LIMK2: variants seen among roughly 807,000 people sequenced by gnomAD.
The protein encoded by LIMK2 is LIM domain kinase 2.
Under a neutral mutation model 75.7 loss-of-function variants are expected in LIMK2, and 35 were observed. The ratio of observed to expected loss-of-function variants is 0.46; its 90% CI spans 0.35 to 0.61. The LOEUF (loss-of-function observed/expected upper bound fraction) is 0.61, where lower values mean the gene tolerates loss of function less well. Among genes scored for constraint, LIMK2 ranks in the 20% least tolerant of loss-of-function variants. LIMK2 has a pLI of 0.00. For missense variants in LIMK2, 623 were observed against 831.0 expected, an observed-to-expected ratio of 0.75 and a Z score of 3.08; for synonymous variants, 301 against 319.2, an observed-to-expected ratio of 0.94 and a Z score of 0.61.
At chr22:31,213,817 C>CTTTTTTTTTTTTT (rs71689139) in intron 1 of LIMK2, among the ~76,000 whole-genome samples, 5 of 145,334 alleles carry the variant, frequency 3.4e-5, no homozygotes, top group Non-Finnish European at 4.5e-5. Context: ...TTTCCAGTAA[C>CTTTTTTTTTTTTT]TTTTTTTTTT....
intron 1 of LIMK2, among the ~76,000 whole-genome samples, chr22:31,219,652 A>G (rs2048417471): frequency 1.3e-5 from 2 of 151,996 alleles, no homozygotes; most frequent in Admixed American, 6.6e-5. Flanking sequence ...GCTCACTGCA[A>G]GCTCCACCTC....
rs887228775 is a variant in LIMK2, at chr22:31,262,680, G to T, written c.743G>T (p.Arg248Leu). Residue 248 changes from arginine (R) to leucine (L), a missense_variant, in exon 7 of 16, where the codon CGG becomes CTG. Physicochemically the swap from Arg to Leu is moderately radical, Grantham distance 102. Transcript: ENST00000331728. This position sits in a 1 kb window ranked among gnomAD's most constrained non-coding sequence, Gnocchi z 5.0. ...DPVSQRLDQL[R>L]LEARLAPHMQ... ...GTCTCCCAACGCCTGGACCAGCTGC[G>T]GCTGGAGGCCCGGCTCGCTCCTCAC... is the stretch of plus-strand genomic sequence containing the variant. The T allele has an allele frequency of 1.9e-6, 3 of 1,614,182 alleles. No homozygotes were observed. Among genetic ancestry groups the T allele is most frequent in the Non-Finnish European group, 2.5e-6 (3 of 1,180,032 alleles).
intron 13 of LIMK2, chr22:31,272,919 G>T: frequency 7.6e-7 from 1 of 1,324,138 alleles, no homozygotes. Flanking sequence ...GGGATAAGGT[G>T]AGTTCTGACT....
chr22:31,258,055 G>A (rs1395740828), intron 2 of LIMK2, among the ~76,000 whole-genome samples: 1 of 152,132 alleles, frequency 6.6e-6, no homozygotes, highest in Admixed American at 6.6e-5. Flanking sequence ...ACCCAAAGAG[G>A]TTATGAAACA....
chr22:31,227,370 T>C (rs560345308), intron 2 of LIMK2, among the ~76,000 whole-genome samples: 2 of 152,342 alleles, frequency 1.3e-5, no homozygotes, highest in South Asian at 4.1e-4. Flanking sequence ...AGTAATTGAG[T>C]TGACCTTTAA....
intron 1 of LIMK2, among the ~76,000 whole-genome samples, chr22:31,221,597 G>T (rs1389870217): frequency 6.6e-6 from 1 of 152,048 alleles, no homozygotes; most frequent in Admixed American, 6.5e-5. Context: ...CAATTCTCTT[G>T]CCTCAGCCTC....
Position 31,278,321 on chromosome 22 carries a change from C to T in LIMK2, c.1797C>T (p.Asp599=). ...GACCAGCATTCTCGAAATTGGAGGA[C>T]TCCTTTGAGGCCCTCTCCCTGTACC... ...ESRPAFSKLE[D]SFEALSLYLG... is the part of the protein sequence containing the mutation. The change falls in exon 16 of 16, where the codon GAC becomes GAT. Residue 599 remains aspartate, a synonymous_variant. Transcript: ENST00000331728. 6.2e-7 allele frequency: 1 copy of T among 1,612,584 alleles called. No homozygotes were observed. The highest frequency in any genetic ancestry group is 8.5e-7 in the Non-Finnish European group (1 of 1,179,432).
chr22:31,229,625 A>G (rs540071185), intron 2 of LIMK2, among the ~76,000 whole-genome samples: 5 of 152,068 alleles, frequency 3.3e-5, no homozygotes, highest in Non-Finnish European at 7.4e-5. Flanking sequence ...CTACAGTTAC[A>G]ATAAAGGAAA....
At chr22:31,246,431 C>T (rs1843553963) in intron 2 of LIMK2, among the ~76,000 whole-genome samples, 1 of 151,858 alleles carries the variant, frequency 6.6e-6, no homozygotes, top group Non-Finnish European at 1.5e-5. Context: ...TAGCCATGTC[C>T]CTTAGTTTAT....
intron 1 of LIMK2, among the ~76,000 whole-genome samples, chr22:31,220,553 A>C (rs1211713868): frequency 6.6e-6 from 1 of 152,212 alleles, no homozygotes; most frequent in Non-Finnish European, 1.5e-5. Context: ...GAGGGACTGA[A>C]GGAGAGAGAA....
chr22:31,277,588 T>G (rs537222967), intron 15 of LIMK2: 15 of 959,432 alleles, frequency 1.6e-5, no homozygotes, highest in African/African-American at 1.8e-5. Context: ...TTCTAATACC[T>G]CTTGTCATTC....
At chr22:31,238,463 A>G (rs2048598476) in intron 2 of LIMK2, among the ~76,000 whole-genome samples, 1 of 152,330 alleles carries the variant, frequency 6.6e-6, no homozygotes, top group Non-Finnish European at 1.5e-5. Flanking sequence ...TTAATAGTCA[A>G]TTCATAAGTG....
At chr22:31,263,603 G>A (rs2048862489) in intron 7 of LIMK2, among the ~76,000 whole-genome samples, 1 of 152,086 alleles carries the variant, frequency 6.6e-6, no homozygotes, top group South Asian at 2.1e-4. Flanking sequence ...ACTCTGGGAG[G>A]CCTAGGTCGG....
intron 2 of LIMK2, among the ~76,000 whole-genome samples, chr22:31,232,834 G>A (rs1057340345): frequency 1.3e-5 from 2 of 151,956 alleles, no homozygotes; most frequent in Non-Finnish European, 2.9e-5. Flanking sequence ...TCCTGGGCTC[G>A]AGATCCTCCC....
intron 1 of LIMK2, among the ~76,000 whole-genome samples, chr22:31,223,795 A>G (rs551691993): frequency 1.6e-4 from 24 of 152,222 alleles, no homozygotes; most frequent in Non-Finnish European, 2.1e-4. Flanking sequence ...TTTTAGACCC[A>G]GGAAGAATGA....
At chr22:31,277,405 T>G in intron 15 of LIMK2, 1 of 1,215,170 alleles carries the variant, frequency 8.2e-7, no homozygotes, top group Non-Finnish European at 1.0e-6. Context: ...GGGTACGCCT[T>G]TGGTGCAGCT....
At chr22:31,255,275 C>T (rs376365627) in intron 2 of LIMK2, among the ~76,000 whole-genome samples, 1 of 152,156 alleles carries the variant, frequency 6.6e-6, no homozygotes, top group African/African-American at 2.4e-5. Flanking sequence ...GAGCTCATCC[C>T]ACATGTATCT....
At chr22:31,234,288 A>C (rs927474051) in intron 2 of LIMK2, among the ~76,000 whole-genome samples, 4 of 149,718 alleles carry the variant, frequency 2.7e-5, no homozygotes, top group African/African-American at 9.8e-5. Context: ...CTGGGATTAC[A>C]GGTGTGAGCC....
In LIMK2 at chr22:31,267,762, T is replaced by TC. The variant is rs750515760; in HGVS notation, c.1129-9dup. On this transcript the variant is annotated splice_polypyrimidine_tract_variant and intron_variant, in intron 9 of 15. Transcript: ENST00000331728. ...AGTTAACCACCAGCTTTCCTTGGCT[T>TC]CCCCCACCCCCAGGTGAAAGTGATG... 9 of 1,576,160 alleles carry TC rather than the reference T, an allele frequency of 5.7e-6. No homozygotes were observed. In the Admixed American group the frequency reaches 1.4e-4, roughly 24 times the overall value.
Sources: gnomAD v4.1 joint callset for allele counts (sites outside exome capture counted in the v4.1 genomes callset) on GRCh38, gnomAD v4.1.1 for gene constraint, Gnocchi (gnomAD v3.1) non-coding constraint, MANE v1.5 for transcripts, NCBI Gene and HGNC (gene_info 2026-07-23, HGNC 2026-07-21) for gene names.